CD6: variants seen among roughly 807,000 people sequenced by gnomAD.
CD6 encodes the protein CD6 molecule.
CD6 carries 53 observed loss-of-function variants against 75.3 expected under a neutral mutation model. The observed-to-expected ratio is 0.70, with a 90% CI of 0.56 to 0.88. The LOEUF is 0.88. CD6 is among the 40% of genes least tolerant of loss of function. The pLI is 0.00. For synonymous variants in CD6, 359 were observed against 381.5 expected (o/e 0.94, Z 0.69); for missense variants, 770 against 897.1 (o/e 0.86, Z 1.81).
At position 61,019,330 on chromosome 11, in the gene CD6, C is replaced by T; in HGVS notation, c.*12C>T. ...TCAGCGCAGCCTAGGCCGGGGCCAGCCGAGGCTCCTGGGGTGGCTCTGACC... is the reference window on the plus strand; with the variant it reads ...TCAGCGCAGCCTAGGCCGGGGCCAGTCGAGGCTCCTGGGGTGGCTCTGACC... On this transcript the variant is annotated 3_prime_UTR_variant, in exon 13 of 13. Transcript: ENST00000313421. 6.2e-7 allele frequency: 1 copy of T among 1,604,020 alleles called. No individual in the cohort carries two copies. Among genetic ancestry groups the T allele is most frequent in the Non-Finnish European group, 8.5e-7 (1 of 1,178,600 alleles).
chr11:60,991,382 A>G (rs965320427), intron 1 of CD6, among the ~76,000 whole-genome samples: 6 of 151,290 alleles, frequency 4.0e-5, no homozygotes, highest in African/African-American at 1.5e-4. Context: ...TGAACTCCCA[A>G]CCTCAGGTGA....
chr11:60,999,696 T>C (rs1342868670), intron 1 of CD6, among the ~76,000 whole-genome samples: 1 of 152,162 alleles, frequency 6.6e-6, no homozygotes, highest in Non-Finnish European at 1.5e-5. Context: ...TCCAGTTGTC[T>C]CCGGTTTGAA....
intron 1 of CD6, among the ~76,000 whole-genome samples, chr11:61,003,910 C>A (rs1858717282): frequency 6.6e-6 from 1 of 151,432 alleles, no homozygotes. Flanking sequence ...TGGGAGAATG[C>A]TTGACACAAA....
chr11:61,007,475 G>A lies in CD6; in HGVS notation c.119-85G>A. 9.0e-7 allele frequency: 1 copy of A among 1,114,006 alleles called. No homozygotes were observed. Among genetic ancestry groups the A allele is most frequent in the African/African-American group, 1.7e-5 (1 of 60,446 alleles). The allele number at this position is 1,114,006 out of a possible 1,614,324, so 69.0% of individuals were successfully genotyped here. On this transcript the variant is annotated intron_variant, in intron 2 of 12. Coordinates refer to ENST00000313421, the MANE Select transcript of CD6 (RefSeq NM_006725.5). This position sits in a 1 kb window ranked among gnomAD's most constrained non-coding sequence, Gnocchi z 4.2. ...CCTAGCCAGGCAGGGCGTTGTCAAA[G>A]TTCACGCACAGAGTCAGTGGCAGAG...
chr11:60,994,465 A>AAAAAAAAAAAAAAAAAAC (rs1554993198), intron 1 of CD6, among the ~76,000 whole-genome samples: 2 of 138,276 alleles, frequency 1.4e-5, no homozygotes, highest in Non-Finnish European at 3.2e-5. Context: ...GCCAAAAAAA[A>AAAAAAAAAAAAAAAAAAC]AAAAAAGCTG....
chr11:61,010,521 G>A (rs1050688194), intron 5 of CD6, among the ~76,000 whole-genome samples: 4 of 152,134 alleles, frequency 2.6e-5, no homozygotes, highest in Admixed American at 6.5e-5. Context: ...GCATTCTTAC[G>A]GCATTCAGAC....
At chr11:61,011,338 C>T (rs1859145407) in intron 6 of CD6, among the ~76,000 whole-genome samples, 2 of 152,078 alleles carry the variant, frequency 1.3e-5, no homozygotes, top group South Asian at 4.1e-4. Flanking sequence ...CCAAGTCAGC[C>T]CATAGATCAC....
intron 8 of CD6, among the ~76,000 whole-genome samples, chr11:61,014,684 G>A (rs1323926753): frequency 2.7e-5 from 4 of 150,460 alleles, no homozygotes; most frequent in Admixed American, 1.3e-4. Context: ...GCAGTGAGCC[G>A]AGATCACGCC....
chr11:61,008,566 G>T lies in CD6; in HGVS notation c.502G>T (p.Gly168Cys). The change falls in exon 4 of 13, where the codon GGC (glycine) becomes TGC (cysteine). Residue 168 changes from glycine to cysteine, a missense_variant. Coordinates refer to ENST00000313421, the MANE Select transcript of CD6 (RefSeq NM_006725.5). ...CGCGCTGCGCCTGGTGGACGGTGGC[G>T]GCGCCTGCGCCGGCCGCGTGGAGAT... ...NRALRLVDGG[G>C]ACAGRVEMLE... 6.2e-7 allele frequency: 1 copy of T among 1,606,390 alleles called. No homozygotes were observed. Among genetic ancestry groups the T allele is most frequent in the Non-Finnish European group, 8.5e-7 (1 of 1,176,942 alleles).
intron 1 of CD6, among the ~76,000 whole-genome samples, chr11:60,987,567 ATG>A (rs887096933): frequency 4.7e-4 from 71 of 150,358 alleles, no homozygotes; most frequent in African/African-American, 1.6e-3. Context: ...ACATGTATGT[ATG>A]TGTGTGTGGT....
intron 9 of CD6, among the ~76,000 whole-genome samples, chr11:61,016,652 G>T (rs1391404565): frequency 6.6e-6 from 1 of 152,228 alleles, no homozygotes; most frequent in Admixed American, 6.5e-5. Context: ...GGATGCTGGA[G>T]ATGGCCACAG....
At chr11:60,973,187 T>C (rs769611147) in intron 1 of CD6, among the ~76,000 whole-genome samples, 3 of 152,206 alleles carry the variant, frequency 2.0e-5, no homozygotes, top group Non-Finnish European at 2.9e-5. Context: ...CCAGCAGGAA[T>C]GAGGGCCAGG....
At position 61,009,573 on chromosome 11, in the gene CD6, G is replaced by A. The variant is rs116020740; in HGVS notation, c.783G>A (p.Glu261=). 2.8e-3 allele frequency: 4,540 copies of A among 1,598,742 alleles called. 123 individuals are homozygous for A. The African/African-American group carries it at 0.053, about 18-fold the overall frequency. ...HKEDAGAVCS[E]HQSWRLTGGA... ...CTGTCCCCTGCCCCTTCCCTGCAGA[G>A]CACCAGTCCTGGCGCCTGACAGGGG... The change falls in exon 5 of 13, where the codon GAG becomes GAA. Residue 261 remains glutamate, a splice_region_variant and synonymous_variant. Coordinates refer to ENST00000313421, the MANE Select transcript of CD6 (RefSeq NM_006725.5).
chr11:60,993,322 G>GAGAGAATGCAGCCCTCAGAGAACCAC (rs143326539), intron 1 of CD6, among the ~76,000 whole-genome samples: 1 of 151,984 alleles, frequency 6.6e-6, no homozygotes, highest in Non-Finnish European at 1.5e-5. Context: ...CAGAGAACCA[G>GAGAGAATGCAGCCCTCAGAGAACCAC]AATCACCCCC....
chr11:60,990,318 G>A (rs989220886), intron 1 of CD6, among the ~76,000 whole-genome samples: 2 of 152,132 alleles, frequency 1.3e-5, no homozygotes, highest in Non-Finnish European at 2.9e-5. Flanking sequence ...TTTGCCTCCT[G>A]GGTTCAAGTG....
chr11:61,005,923 C>T (rs1858829748), intron 1 of CD6, among the ~76,000 whole-genome samples: 1 of 138,128 alleles, frequency 7.2e-6, no homozygotes, highest in Non-Finnish European at 1.6e-5. Context: ...AAGAGCGAAA[C>T]TCTGTCTCAA....
At chr11:60,986,854 G>A (rs1273454668) in intron 1 of CD6, among the ~76,000 whole-genome samples, 1 of 152,174 alleles carries the variant, frequency 6.6e-6, no homozygotes, top group Admixed American at 6.5e-5. Flanking sequence ...TCTCCCTGGC[G>A]CCGTGGCGCA....
intron 1 of CD6, among the ~76,000 whole-genome samples, chr11:60,977,284 C>A (rs1857399782): frequency 6.6e-6 from 1 of 152,188 alleles, no homozygotes; most frequent in Non-Finnish European, 1.5e-5. Context: ...CCCAACTGTC[C>A]TTTAGGACAG....
chr11:60,991,376 C>T (rs1016151816), intron 1 of CD6, among the ~76,000 whole-genome samples: 5 of 151,728 alleles, frequency 3.3e-5, no homozygotes, highest in Admixed American at 2.0e-4. Context: ...TGATCTTGAA[C>T]TCCCAACCTC....
Sources: gnomAD v4.1 joint callset for allele counts (sites outside exome capture counted in the v4.1 genomes callset) on GRCh38, gnomAD v4.1.1 for gene constraint, Gnocchi (gnomAD v3.1) non-coding constraint, MANE v1.5 for transcripts, NCBI Gene and HGNC (gene_info 2026-07-23, HGNC 2026-07-21) for gene names.